The following NDUFAB1 variants were observed in gnomAD, a reference collection of about 807,000 sequenced individuals.
NDUFAB1 encodes the protein NADH:ubiquinone oxidoreductase subunit AB1.
Under a neutral mutation model 16.1 loss-of-function variants are expected in NDUFAB1, and 5 were observed. The ratio of observed to expected loss-of-function variants is 0.31; its 90% CI spans 0.16 to 0.65. The LOEUF (loss-of-function observed/expected upper bound fraction) is 0.65. Ranked by LOEUF, NDUFAB1 falls within the 30% of genes least tolerant of loss-of-function variation. The pLI is 0.77. For synonymous variants in NDUFAB1, 85 were observed against 78.4 expected, an observed-to-expected ratio of 1.08 and a Z score of -0.44; for missense variants, 187 against 205.3, an observed-to-expected ratio of 0.91 and a Z score of 0.54.
intron 1 of NDUFAB1, among the ~76,000 whole-genome samples, chr16:23,590,265 G>A (rs1321896695): frequency 1.3e-5 from 2 of 152,214 alleles, no homozygotes; most frequent in Non-Finnish European, 2.9e-5. Flanking sequence ...GCTGCATCAG[G>A]ATCAGCGTGA....
rs776793047 is a variant in NDUFAB1, at chr16:23,596,286, G to C, written c.5C>G (p.Ala2Gly). 3.2e-6 allele frequency: 5 copies of C among 1,561,090 alleles called. No homozygotes were observed. The Admixed American group carries it at 9.6e-5, about 30-fold the overall frequency. Reference protein sequence around the residue: MASRVLSAYVSR... With the variant: MGSRVLSAYVSR... Reference sequence around the variant, plus strand: ...GACATAGGCTGAAAGGACACGAGACGCCATGGCTACGCCAACCCAGGATGC... The same window carrying C: ...GACATAGGCTGAAAGGACACGAGACCCCATGGCTACGCCAACCCAGGATGC... Residue 2 changes from alanine to glycine, a missense_variant, in exon 1 of 5, where the codon GCG becomes GGG. Coordinates refer to ENST00000007516, the MANE Select transcript of NDUFAB1 (RefSeq NM_005003.3).
intron 2 of NDUFAB1, among the ~76,000 whole-genome samples, chr16:23,586,262 C>G (rs1007002562): frequency 6.6e-6 from 1 of 151,564 alleles, no homozygotes; most frequent in Non-Finnish European, 1.5e-5. Flanking sequence ...CTAATTTAGA[C>G]CTCAGGATCA....
chr16:23,595,279 A>G, intron 1 of NDUFAB1: 1 of 287,954 alleles, frequency 3.5e-6, no homozygotes, highest in Non-Finnish European at 6.9e-6. Flanking sequence ...AAAAACAACA[A>G]CAACAACACC....
rs35645405 is a variant in NDUFAB1, at chr16:23,593,261, T to C, written c.168+2862A>G. Among the ~76,000 whole-genome samples the C allele has an allele frequency of 3.6e-3, 543 of 152,292 alleles. 2 individuals are homozygous for C. Among genetic ancestry groups the C allele is most frequent in the African/African-American group, 0.012 (501 of 41,552 alleles). ...CTGCAGTGAGCCACGATCATGCCAC[T>C]GCACTCCAGCCTGAAAGGCAAAGTG... On this transcript the variant is annotated intron_variant, in intron 1 of 4. Coordinates refer to ENST00000007516, the MANE Select transcript of NDUFAB1 (RefSeq NM_005003.3).
intron 1 of NDUFAB1, among the ~76,000 whole-genome samples, chr16:23,591,949 A>G (rs1966283873): frequency 6.6e-6 from 1 of 152,248 alleles, no homozygotes. Context: ...AAAGATGAAT[A>G]AGACACAACC....
rs376375005 is a variant in NDUFAB1, at chr16:23,585,135, G to A, written c.379+201C>T. ...GGGCACTCTGCTGGGCTTGTGCAAG[G>A]TGCTCTCTGAATAAATGTACCATCC... On this transcript the variant is annotated intron_variant, in intron 3 of 4. Transcript: ENST00000007516. Among the ~76,000 whole-genome samples the A allele has an allele frequency of 1.4e-4, 22 of 152,316 alleles. 1 individual carries two copies. Among genetic ancestry groups the A allele is most frequent in the African/African-American group, 5.3e-4 (22 of 41,574 alleles).
intron 1 of NDUFAB1, 93 bp from the exon 2 acceptor site, chr16:23,587,412 G>C (rs539356186): frequency 1.3e-6 from 2 of 1,483,970 alleles, no homozygotes; most frequent in Admixed American, 2.2e-5. Context: ...CAGAACTTTC[G>C]GGGCTTTAGA....
chr16:23,591,765 G>A (rs1241504784), intron 1 of NDUFAB1, among the ~76,000 whole-genome samples: 4 of 152,134 alleles, frequency 2.6e-5, no homozygotes, highest in Non-Finnish European at 5.9e-5. Flanking sequence ...GGCTCTTCCT[G>A]GCCTCTGCAC....
chr16:23,586,347 G>C (rs1206075201), intron 2 of NDUFAB1, among the ~76,000 whole-genome samples: 1 of 150,024 alleles, frequency 6.7e-6, no homozygotes, highest in Non-Finnish European at 1.5e-5. Context: ...ATTTTTTTTC[G>C]TTGTTAGATG....
At chr16:23,592,257 T>C (rs947692471) in intron 1 of NDUFAB1, among the ~76,000 whole-genome samples, 13 of 151,638 alleles carry the variant, frequency 8.6e-5, no homozygotes, top group East Asian at 3.9e-4. Context: ...GGCAGAAGGA[T>C]TGCTTGAGCC....
chr16:23,586,943 C>T (rs1326505144), intron 2 of NDUFAB1, among the ~76,000 whole-genome samples: 4 of 152,320 alleles, frequency 2.6e-5, no homozygotes, highest in Non-Finnish European at 4.4e-5. Context: ...CCACAGTGCC[C>T]GGCCAGTTGT....
chr16:23,584,780 G>T (rs1305801938), intron 3 of NDUFAB1, among the ~76,000 whole-genome samples: 1 of 152,172 alleles, frequency 6.6e-6, no homozygotes, highest in Admixed American at 6.6e-5. Flanking sequence ...CTGCTCTGCA[G>T]AACAGCACAG....
Position 23,587,237 on chromosome 16 carries a change from A to C in NDUFAB1, c.251T>G (p.Leu84Arg). Residue 84 changes from leucine to arginine, a missense_variant, in exon 2 of 5, where the codon CTT becomes CGT. Leu to Arg is a moderately radical substitution (Grantham distance 102). Coordinates refer to ENST00000007516, the MANE Select transcript of NDUFAB1 (RefSeq NM_005003.3). ...CTTGTCATAGAGTTTCAATACGTAA[A>C]GAACACGGTCCTGGATGCCCTCTAA... is the stretch of plus-strand genomic sequence containing the variant. The part of the protein sequence containing the change: ...LTLEGIQDRV[L>R]YVLKLYDKID... The C allele has an allele frequency of 6.2e-7, 1 of 1,614,138 alleles. No homozygotes were observed. Among genetic ancestry groups the C allele is most frequent in the Non-Finnish European group, 8.5e-7 (1 of 1,179,982 alleles).
At chr16:23,581,690 C>G (rs1395026396) in intron 4 of NDUFAB1, among the ~76,000 whole-genome samples, 2 of 151,962 alleles carry the variant, frequency 1.3e-5, no homozygotes, top group African/African-American at 4.9e-5. Context: ...TTCTTTACAT[C>G]ATTATATCAA....
intron 1 of NDUFAB1, among the ~76,000 whole-genome samples, chr16:23,594,880 C>A (rs1295816448): frequency 6.6e-6 from 1 of 152,056 alleles, no homozygotes; most frequent in Non-Finnish European, 1.5e-5. Flanking sequence ...CATAACTTGA[C>A]CTTGGGAGTC....
At chr16:23,593,814 G>C (rs1361127800) in intron 1 of NDUFAB1, among the ~76,000 whole-genome samples, 3 of 152,110 alleles carry the variant, frequency 2.0e-5, no homozygotes, top group African/African-American at 4.8e-5. Flanking sequence ...TTAGGAACCA[G>C]ACACTCATCA....
rs143363262 is a variant in NDUFAB1 at position 23,583,118 on chromosome 16, G to A, written c.380-743C>T. Among the ~76,000 whole-genome samples, 102 of 152,386 alleles carry A rather than the reference G, an allele frequency of 6.7e-4. 2 individuals carry two copies. In the East Asian group the frequency reaches 0.016, roughly 24 times the overall value. Reference sequence around the variant, plus strand: ...GCAGATGGAGTCTCGTTCACTCAGTGCACAATGTTGCCCAGGCTGGAGTGC... The same window carrying A: ...GCAGATGGAGTCTCGTTCACTCAGTACACAATGTTGCCCAGGCTGGAGTGC... On this transcript the variant is annotated intron_variant, in intron 3 of 4. Coordinates refer to ENST00000007516, the MANE Select transcript of NDUFAB1 (RefSeq NM_005003.3).
At position 23,594,762 on chromosome 16, in the gene NDUFAB1, ACAGGCGTGAGCCAC is replaced by A. The variant is rs1966308937; in HGVS notation, c.168+1347_168+1360del. Among the ~76,000 whole-genome samples the A allele has an allele frequency of 3.3e-5, 5 of 150,322 alleles. No individual in the cohort carries two copies. In the South Asian group the frequency reaches 1.1e-3, roughly 33 times the overall value. ...CTCGGCCTCCCAAAGTGCTGGGATT[ACAGGCGTGAGCCAC>A]CACGCCTGGCCAGACACACTTATTT... On this transcript the variant is annotated intron_variant, in intron 1 of 4. Coordinates refer to ENST00000007516, the MANE Select transcript of NDUFAB1 (RefSeq NM_005003.3).
intron 2 of NDUFAB1, among the ~76,000 whole-genome samples, chr16:23,586,986 T>C (rs1419532413): frequency 6.6e-6 from 1 of 152,202 alleles, no homozygotes; most frequent in Non-Finnish European, 1.5e-5. Context: ...TACATACATA[T>C]AATATACACA....
Sources: allele counts gnomAD v4.1 joint callset (sites outside exome capture counted in the v4.1 genomes callset), GRCh38; gene constraint gnomAD v4.1.1; transcripts MANE v1.5; gene names NCBI Gene and HGNC (gene_info 2026-07-23, HGNC 2026-07-21).